IQGAP2: variants seen among roughly 807,000 people sequenced by gnomAD.
IQGAP2 encodes IQ motif containing GTPase activating protein 2, also known as ras GTPase-activating-like protein IQGAP2.
A neutral mutation model predicts 201.3 loss-of-function variants in IQGAP2; 173 were observed. The ratio of observed to expected loss-of-function variants is 0.86; its 90% CI spans 0.76 to 0.98. The LOEUF is 0.98. Among genes scored for constraint, IQGAP2 ranks in the 50% least tolerant of loss-of-function variants. IQGAP2 has a pLI of 0.00. For synonymous variants in IQGAP2, 675 were observed against 673.9 expected, an observed-to-expected ratio of 1.00 and a Z score of -0.03; for missense variants, 1,687 against 1,864.8, an observed-to-expected ratio of 0.90 and a Z score of 1.76.
At chr5:76,489,585 C>G (rs1372995229) in intron 2 of IQGAP2, among the ~76,000 whole-genome samples, 3 of 152,152 alleles carry the variant, frequency 2.0e-5, no homozygotes, top group African/African-American at 7.2e-5. Flanking sequence ...CCTCGGCCTC[C>G]CAAGTAGCTG....
intron 9 of IQGAP2, among the ~76,000 whole-genome samples, chr5:76,593,369 A>T (rs1228497466): frequency 1.3e-5 from 2 of 152,130 alleles, no homozygotes; most frequent in Non-Finnish European, 2.9e-5. Flanking sequence ...GATTTTTCTT[A>T]CACTTGTGTA....
At chr5:76,683,365 C>T in intron 29 of IQGAP2, 148 bp downstream of exon 29, 1 of 562,092 alleles carries the variant, frequency 1.8e-6, no homozygotes, top group Admixed American at 3.5e-5. Context: ...ACTACACTTG[C>T]CCCTTCCTAC....
chr5:76,541,685 A>C (rs147686974), intron 2 of IQGAP2, among the ~76,000 whole-genome samples: 1 of 152,296 alleles, frequency 6.6e-6, no homozygotes, highest in African/African-American at 2.4e-5. Flanking sequence ...CCTCACCATC[A>C]TTTGTTATTT....
chr5:76,405,162 A>G (rs1750727086), intron 1 of IQGAP2, among the ~76,000 whole-genome samples: 1 of 152,198 alleles, frequency 6.6e-6, no homozygotes, highest in Non-Finnish European at 1.5e-5. Context: ...ATAGTGCAAA[A>G]TTTCCGTGAA....
chr5:76,403,525 G>A lies in IQGAP2; in HGVS notation c.-21G>A. ...TAGCCGCGGGGGGCGCGCCCCGGGC[G>A]GGCCCCCGGAGACGCGCAGGATGCC... is the stretch of plus-strand genomic sequence containing the variant. On this transcript the variant is annotated 5_prime_UTR_variant, in exon 1 of 36. Coordinates refer to ENST00000274364, the MANE Select transcript of IQGAP2 (RefSeq NM_006633.5). This position sits in a 1 kb window ranked among gnomAD's most constrained non-coding sequence, Gnocchi z 4.8. 3.4e-6 allele frequency: 5 copies of A among 1,480,906 alleles called. No individual in the cohort carries two copies. Among genetic ancestry groups the A allele is most frequent in the Non-Finnish European group, 4.5e-6 (5 of 1,122,004 alleles). The allele number at this position is 1,480,906 out of a possible 1,614,324, so 91.7% of individuals were successfully genotyped here.
At chr5:76,454,736 AGT>A (rs1753971646) in intron 1 of IQGAP2, among the ~76,000 whole-genome samples, 1 of 151,832 alleles carries the variant, frequency 6.6e-6, no homozygotes, top group Non-Finnish European at 1.5e-5. Context: ...TATTGTGAAT[AGT>A]GCCGCAATAA....
intron 3 of IQGAP2, among the ~76,000 whole-genome samples, chr5:76,564,128 A>G (rs1744573579): frequency 6.6e-6 from 1 of 152,238 alleles, no homozygotes; most frequent in Non-Finnish European, 1.5e-5. Context: ...ATCTTCCACA[A>G]GACTTTAATA....
At chr5:76,670,528 A>G (rs911182762) in intron 23 of IQGAP2, among the ~76,000 whole-genome samples, 6 of 152,190 alleles carry the variant, frequency 3.9e-5, no homozygotes, top group African/African-American at 1.4e-4. Context: ...AATAAAATAA[A>G]CAAAACTAGC....
At chr5:76,510,357 T>C (rs1337830104) in intron 2 of IQGAP2, 1 of 169,434 alleles carries the variant, frequency 5.9e-6, no homozygotes, top group Non-Finnish European at 1.3e-5. Flanking sequence ...GGTTTTCCAA[T>C]ATAGTATTAG....
chr5:76,579,707 T>G (rs1275387362), intron 5 of IQGAP2, among the ~76,000 whole-genome samples: 1 of 152,160 alleles, frequency 6.6e-6, no homozygotes, highest in African/African-American at 2.4e-5. Context: ...TTTCATCCCC[T>G]GGGAGACAAG....
chr5:76,464,242 A>G (rs539621264), intron 2 of IQGAP2, among the ~76,000 whole-genome samples: 19 of 152,372 alleles, frequency 1.2e-4, no homozygotes, highest in African/African-American at 4.3e-4. Context: ...TGCTGATTTA[A>G]GAAAGCATAG....
At chr5:76,451,025 A>T (rs1282391570) in intron 1 of IQGAP2, among the ~76,000 whole-genome samples, 1 of 152,176 alleles carries the variant, frequency 6.6e-6, no homozygotes, top group Non-Finnish European at 1.5e-5. Context: ...TGTGTCTGTT[A>T]TATTAAACTT....
chr5:76,615,433 C>G (rs1267731427), intron 13 of IQGAP2: 1 of 152,146 alleles, frequency 6.6e-6, no homozygotes, highest in Admixed American at 6.5e-5. Flanking sequence ...CATGTGGAAG[C>G]TTTTTACTTA....
chr5:76,524,366 G>GT (rs1201444813), intron 2 of IQGAP2, among the ~76,000 whole-genome samples: 1 of 152,166 alleles, frequency 6.6e-6, no homozygotes, highest in African/African-American at 2.4e-5. Context: ...CCATTTAAGA[G>GT]TTTTTTAAAT....
intron 23 of IQGAP2, 64 bp downstream of exon 23, chr5:76,668,908 C>A: frequency 1.0e-6 from 1 of 963,610 alleles, no homozygotes; most frequent in Non-Finnish European, 1.5e-6. Flanking sequence ...TGGTGGCTGT[C>A]TTTGATTTAC....
chr5:76,422,173 T>C (rs1751765029), intron 1 of IQGAP2, among the ~76,000 whole-genome samples: 2 of 152,208 alleles, frequency 1.3e-5, no homozygotes, highest in Non-Finnish European at 2.9e-5. Flanking sequence ...CTGGGGGCTC[T>C]AGAATGGTGG....
At chr5:76,581,611 C>T (rs1745855732) in intron 5 of IQGAP2, among the ~76,000 whole-genome samples, 1 of 152,122 alleles carries the variant, frequency 6.6e-6, no homozygotes, top group Non-Finnish European at 1.5e-5. Context: ...GACTATGAAC[C>T]ACATCTTGTT....
intron 2 of IQGAP2, among the ~76,000 whole-genome samples, chr5:76,527,335 G>A (rs1759032955): frequency 6.6e-6 from 1 of 152,168 alleles, no homozygotes. Flanking sequence ...CCCAAGAGCT[G>A]TTTGAATCAG....
chr5:76,689,230 T>TAAA lies in IQGAP2; in HGVS notation c.3906-4101_3906-4099dup, dbSNP rs11424254. Among the ~76,000 whole-genome samples the TAAA allele has an allele frequency of 3.6e-4, 31 of 86,484 alleles. 1 individual carries two copies. The highest frequency in any genetic ancestry group is 6.2e-4 in the African/African-American group (13 of 21,136). The allele number at this position is 86,484 out of a possible 152,430, so 56.7% of individuals were successfully genotyped here. On this transcript the variant is annotated intron_variant, in intron 30 of 35. Transcript: ENST00000274364. ...TAATACTACCAAGCACAGGGATATT[T>TAAA]AAAAAAAAAAAAAAAAAAAAAAAAA...
Sources: gnomAD v4.1 joint callset for allele counts (sites outside exome capture counted in the v4.1 genomes callset) on GRCh38, gnomAD v4.1.1 for gene constraint, Gnocchi (gnomAD v3.1) non-coding constraint, MANE v1.5 for transcripts, NCBI Gene and HGNC (gene_info 2026-07-23, HGNC 2026-07-21) for gene names.